The following TBC1D9 variants were observed in gnomAD, a reference collection of about 807,000 sequenced individuals.
TBC1D9 encodes the protein TBC1 domain family member 9.
A neutral mutation model predicts 132.0 loss-of-function variants in TBC1D9; 63 were observed. The ratio of observed to expected loss-of-function variants is 0.48; its 90% CI spans 0.39 to 0.59. TBC1D9 has a LOEUF of 0.59. Among genes scored for constraint, TBC1D9 ranks in the 20% least tolerant of loss-of-function variants. TBC1D9 has a pLI of 0.00. For missense variants in TBC1D9, 1,261 were observed against 1,592.7 expected, an observed-to-expected ratio of 0.79 and a Z score of 3.54; for synonymous variants, 610 against 609.9, an observed-to-expected ratio of 1.00 and a Z score of 0.00.
At chr4:140,641,694 G>A (rs1736998541) in intron 13 of TBC1D9, 1 of 156,258 alleles carries the variant, frequency 6.4e-6, no homozygotes, top group Admixed American at 6.2e-5. Context: ...AGACTCAGAA[G>A]CAGTCCATAT....
chr4:140,638,719 A>G (rs890402405), intron 15 of TBC1D9, among the ~76,000 whole-genome samples: 15 of 152,274 alleles, frequency 9.9e-5, no homozygotes, highest in African/African-American at 2.6e-4. Flanking sequence ...GCACTTAAAC[A>G]ACTTTATTCT....
intron 9 of TBC1D9, among the ~76,000 whole-genome samples, chr4:140,663,351 T>C (rs959177415): frequency 6.6e-6 from 1 of 152,110 alleles, no homozygotes; most frequent in Middle Eastern, 3.2e-3. Flanking sequence ...AAATACCACC[T>C]CATACCTGTC....
chr4:140,692,891 G>A (rs1168790607), intron 2 of TBC1D9, among the ~76,000 whole-genome samples: 1 of 152,012 alleles, frequency 6.6e-6, no homozygotes, highest in Non-Finnish European at 1.5e-5. Context: ...GTGATGGTGT[G>A]TGCCTGTAGT....
intron 20 of TBC1D9, among the ~76,000 whole-genome samples, chr4:140,623,363 C>T (rs918555092): frequency 6.6e-6 from 1 of 152,162 alleles, no homozygotes; most frequent in Non-Finnish European, 1.5e-5. Context: ...CCACCACACC[C>T]AGCTTATTTT....
At chr4:140,683,331 A>C (rs996246424) in intron 3 of TBC1D9, among the ~76,000 whole-genome samples, 6 of 152,212 alleles carry the variant, frequency 3.9e-5, no homozygotes, top group Non-Finnish European at 7.4e-5. Context: ...TAGTCTCCAT[A>C]AGGCTAAAAT....
intron 15 of TBC1D9, among the ~76,000 whole-genome samples, chr4:140,636,032 A>G (rs1268784462): frequency 6.6e-6 from 1 of 152,192 alleles, no homozygotes; most frequent in Admixed American, 6.5e-5. Flanking sequence ...TTTCCTCCTA[A>G]GCACCCCAAG....
intron 9 of TBC1D9, among the ~76,000 whole-genome samples, chr4:140,666,805 C>CA (rs771476998): frequency 7.2e-6 from 1 of 139,344 alleles, no homozygotes; most frequent in Non-Finnish European, 1.6e-5. Context: ...AAAGATATCA[C>CA]AAAAAATATA....
chr4:140,663,280 G>T (rs1367165797), intron 9 of TBC1D9, among the ~76,000 whole-genome samples: 3 of 152,142 alleles, frequency 2.0e-5, no homozygotes, highest in Admixed American at 6.5e-5. Context: ...TCACCAACAG[G>T]TGTATTTAAA....
At chr4:140,687,978 A>G (rs1409279675) in intron 2 of TBC1D9, among the ~76,000 whole-genome samples, 2 of 152,098 alleles carry the variant, frequency 1.3e-5, no homozygotes, top group African/African-American at 2.4e-5. Flanking sequence ...TAGTCCAGCT[A>G]CTTGGGAGGA....
chr4:140,722,501 G>T (rs1387478232), intron 1 of TBC1D9, among the ~76,000 whole-genome samples: 1 of 152,146 alleles, frequency 6.6e-6, no homozygotes, highest in African/African-American at 2.4e-5. Flanking sequence ...GGAAACATTT[G>T]CTAAGTGACT....
Position 140,657,644 on chromosome 4 carries a change from C to G in TBC1D9, c.2090G>C (p.Cys697Ser), listed in dbSNP as rs758254874. 6.2e-7 allele frequency: 1 copy of G among 1,613,996 alleles called. No homozygotes were observed. The highest frequency in any genetic ancestry group is 2.2e-5 in the East Asian group (1 of 44,886). Residue 697 changes from cysteine (C) to serine (S), a missense_variant, in exon 12 of 21, where the codon TGT (cysteine) becomes TCT (serine). Transcript: ENST00000442267. ...CACTTTAATTCCTTCATAGAAGAAA[C>G]AGTCAACAACCACAACTGCACTCTC... is the stretch of plus-strand genomic sequence containing the variant. Reference protein sequence around the residue: ...PFESAVVVVDCFFYEGIKVIF... With the variant: ...PFESAVVVVDSFFYEGIKVIF...
Position 140,643,466 on chromosome 4 carries a change from GCAGGTGCTGCCGGGCA to G in TBC1D9, c.2338-4054_2338-4039del, listed in dbSNP as rs1737044204. On this transcript the variant is annotated intron_variant, in intron 13 of 20. Transcript: ENST00000442267. ...GCTCAGAGCTTGCCTCTTCCAGGTA[GCAGGTGCTGCCGGGCA>G]CAGGCACGGCCTCCCGGGGCTCCAG... 4.4e-6 allele frequency: 4 copies of G among 899,980 alleles called. No individual in the cohort carries two copies. In the East Asian group the frequency reaches 1.0e-4, roughly 23 times the overall value. The allele number at this position is 899,980 out of a possible 1,614,324, so 55.7% of individuals were successfully genotyped here.
intron 15 of TBC1D9, among the ~76,000 whole-genome samples, chr4:140,638,382 T>A (rs1412428713): frequency 6.6e-6 from 1 of 151,768 alleles, no homozygotes; most frequent in Non-Finnish European, 1.5e-5. Flanking sequence ...TTATTAAGAA[T>A]CAAGATTGGG....
At chr4:140,732,669 A>C (rs1416875977) in intron 1 of TBC1D9, among the ~76,000 whole-genome samples, 1 of 152,082 alleles carries the variant, frequency 6.6e-6, no homozygotes, top group Non-Finnish European at 1.5e-5. Flanking sequence ...TCAACATAGA[A>C]CTCAAGTCTT....
intron 13 of TBC1D9, among the ~76,000 whole-genome samples, chr4:140,646,911 A>G (rs1737111229): frequency 1.3e-5 from 2 of 152,220 alleles, no homozygotes; most frequent in African/African-American, 4.8e-5. Context: ...GGAATTCAAG[A>G]GTTAGTAGGG....
chr4:140,689,744 C>T (rs1292610730), intron 2 of TBC1D9, among the ~76,000 whole-genome samples: 4 of 112,984 alleles, frequency 3.5e-5, no homozygotes, highest in Non-Finnish European at 7.1e-5. Context: ...CCTTCCCTTC[C>T]TCCCACCCCT....
intron 13 of TBC1D9, among the ~76,000 whole-genome samples, chr4:140,646,115 G>A (rs532292952): frequency 6.6e-6 from 1 of 152,290 alleles, no homozygotes; most frequent in South Asian, 2.1e-4. Context: ...ACATGTAAGT[G>A]CTCAACAAAT....
In TBC1D9 at chr4:140,709,248, T is replaced by TCTCACACACA. The variant is rs1382500714; in HGVS notation, c.131-7635_131-7634insTGTGTGTGAG. ...CTCTCTCTCTCTCTCTCTCTCTCTCTCACACACACACACACACACACACAC... is the reference window on the plus strand; with the variant it reads ...CTCTCTCTCTCTCTCTCTCTCTCTCTCTCACACACACACACACACACACACACACACACAC... On this transcript the variant is annotated intron_variant, in intron 1 of 20. Transcript: ENST00000442267. Among the ~76,000 whole-genome samples the TCTCACACACA allele has an allele frequency of 3.1e-3, 327 of 104,168 alleles. 3 individuals are homozygous for TCTCACACACA. The highest frequency in any genetic ancestry group is 9.5e-3 in the African/African-American group (216 of 22,680). 68.3% of individuals were successfully genotyped at this position (104,168 alleles called of 152,430 possible).
chr4:140,731,626 G>C (rs960393008), intron 1 of TBC1D9, among the ~76,000 whole-genome samples: 1 of 151,538 alleles, frequency 6.6e-6, no homozygotes, highest in Non-Finnish European at 1.5e-5. Context: ...ATGAACACCT[G>C]GTCTAAAATC....
Sources: allele counts gnomAD v4.1 joint callset (sites outside exome capture counted in the v4.1 genomes callset), GRCh38; gene constraint gnomAD v4.1.1; transcripts MANE v1.5; gene names NCBI Gene and HGNC (gene_info 2026-07-23, HGNC 2026-07-21).